Variants in SLC35H1 observed in about 807,000 individuals in gnomAD.
SLC35H1 encodes the protein ovarian cancer-overexpressed gene 1 protein.
the SLC35H1 span, chr20:46,356,461 C>T: frequency 2.9e-6 from 3 of 1,041,252 alleles, no homozygotes; most frequent in Non-Finnish European, 4.4e-6. Context: ...AGAGCAAGGG[C>T]TGGTCCCAGA....
the SLC35H1 span, among the ~76,000 whole-genome samples, chr20:46,354,235 G>T: frequency 6.6e-6 from 1 of 152,098 alleles, no homozygotes; most frequent in Middle Eastern, 3.2e-3. Flanking sequence ...ATCCTGCGTG[G>T]CCCACACTCC....
At chr20:46,351,938 C>A in the SLC35H1 span, 1 of 1,174,126 alleles carries the variant, frequency 8.5e-7, no homozygotes, top group East Asian at 2.5e-5. Flanking sequence ...GGGGCACTTC[C>A]TTCTCTTCTC....
At chr20:46,358,251 G>T in the SLC35H1 span, 2 of 839,002 alleles carry the variant, frequency 2.4e-6, no homozygotes, top group Non-Finnish European at 3.9e-6. Context: ...GGAGGGCCCT[G>T]TTCCAGCCCA....
the SLC35H1 span, chr20:46,347,551 G>T: frequency 6.6e-6 from 1 of 152,228 alleles, no homozygotes; most frequent in African/African-American, 2.4e-5. Context: ...GATGGCCTGG[G>T]AGTCCCCACC....
chr20:46,359,801 T>C, the SLC35H1 span, among the ~76,000 whole-genome samples: 5 of 152,186 alleles, frequency 3.3e-5, no homozygotes, highest in African/African-American at 2.4e-5. Context: ...TCCCATCCTA[T>C]TGAAACGCCA....
the SLC35H1 span, among the ~76,000 whole-genome samples, chr20:46,359,243 T>C: frequency 6.6e-6 from 1 of 152,188 alleles, no homozygotes; most frequent in Non-Finnish European, 1.5e-5. Flanking sequence ...AGCTCAGAGG[T>C]CACTTCTTCA....
At chr20:46,352,450 G>C in the SLC35H1 span, 2 of 550,682 alleles carry the variant, frequency 3.6e-6, no homozygotes, top group Non-Finnish European at 6.5e-6. Context: ...GAGCGCCTGG[G>C]GGCAATACAA....
the SLC35H1 span, chr20:46,355,004 G>A: frequency 6.2e-7 from 1 of 1,613,680 alleles, no homozygotes; most frequent in Non-Finnish European, 8.5e-7. This position sits in a 1 kb window ranked among gnomAD's most constrained non-coding sequence, Gnocchi z 4.8. Flanking sequence ...GTCTGGTCCG[G>A]CCCTGCCCTG....
the SLC35H1 span, chr20:46,353,012 A>T: frequency 6.6e-6 from 1 of 152,204 alleles, no homozygotes; most frequent in Non-Finnish European, 1.5e-5. Context: ...GTGACGAAGG[A>T]CCAACAGTGC....
the SLC35H1 span, chr20:46,355,006 C>A: frequency 2.1e-5 from 34 of 1,613,616 alleles, no homozygotes; most frequent in Non-Finnish European, 2.9e-5. The surrounding 1 kb of genome is among the most constrained non-coding windows in gnomAD (Gnocchi z 4.8). Context: ...CTGGTCCGGC[C>A]CTGCCCTGCC....
At chr20:46,352,681 A>ATG in the SLC35H1 span, 1 of 138,042 alleles carries the variant, frequency 7.2e-6, no homozygotes, top group Non-Finnish European at 1.5e-5. Context: ...ATCCTAGTGG[A>ATG]ATGATGGGGA....
the SLC35H1 span, chr20:46,356,524 A>C: frequency 6.3e-7 from 1 of 1,598,448 alleles, no homozygotes; most frequent in South Asian, 1.1e-5. Flanking sequence ...CGCTGGACAG[A>C]CAGACAGCTT....
At chr20:46,362,525 C>T in the SLC35H1 span, among the ~76,000 whole-genome samples, 4 of 152,132 alleles carry the variant, frequency 2.6e-5, no homozygotes, top group Non-Finnish European at 4.4e-5. Flanking sequence ...ACTGTGTGAC[C>T]CTAAGTTACT....
chr20:46,362,166 A>C, the SLC35H1 span, among the ~76,000 whole-genome samples: 2 of 152,178 alleles, frequency 1.3e-5, no homozygotes, highest in African/African-American at 2.4e-5. Flanking sequence ...CTAGGCACTT[A>C]ATGAGCATTT....
At chr20:46,352,373 G>A in the SLC35H1 span, 2 of 711,344 alleles carry the variant, frequency 2.8e-6, no homozygotes, top group East Asian at 2.7e-5. Context: ...AAGCATGGAA[G>A]GTATAAAGTG....
At chr20:46,352,008 C>T in the SLC35H1 span, 36 of 1,599,022 alleles carry the variant, frequency 2.3e-5, no homozygotes, top group Non-Finnish European at 2.7e-5. Flanking sequence ...CCCCTGGGGG[C>T]TCCCTCTCTA....
the SLC35H1 span, chr20:46,349,681 AAAGC>A: frequency 6.6e-6 from 1 of 152,592 alleles, no homozygotes; most frequent in Non-Finnish European, 1.5e-5. Context: ...AGCTAGTGAC[AAAGC>A]CAGTATTCAA....
At chr20:46,347,239 C>A in the SLC35H1 span, 1 of 152,252 alleles carries the variant, frequency 6.6e-6, no homozygotes, top group Non-Finnish European at 1.5e-5. Context: ...ACGGCGTCTG[C>A]AGGTTGTATC....
At chr20:46,352,657 G>A in the SLC35H1 span, 1 of 25,662 alleles carries the variant, frequency 3.9e-5, no homozygotes, top group Non-Finnish European at 7.2e-5. Context: ...GGATCCTAGC[G>A]GGATGACGAT....
Sources: allele counts gnomAD v4.1 joint callset (sites outside exome capture counted in the v4.1 genomes callset), GRCh38; gene constraint gnomAD v4.1.1; non-coding constraint Gnocchi (gnomAD v3.1); transcripts MANE v1.5; gene names NCBI Gene and HGNC (gene_info 2026-07-23, HGNC 2026-07-21).